The following XRCC4 variants were observed in gnomAD, a reference collection of about 807,000 sequenced individuals.
The protein encoded by XRCC4 is DNA repair protein XRCC4.
A neutral mutation model predicts 39.1 loss-of-function variants in XRCC4; 28 were observed. That is an observed-to-expected ratio of 0.72 (90% CI 0.53 to 0.98). The LOEUF is 0.98. Ranked by LOEUF, XRCC4 falls within the 50% of genes least tolerant of loss-of-function variation. The probability of loss-of-function intolerance (pLI) is 0.00; values close to 1 mark genes in which losing one functional copy is unlikely to be tolerated. For missense variants in XRCC4, 350 were observed against 376.4 expected (o/e 0.93, Z 0.58); for synonymous variants, 123 against 126.4 (o/e 0.97, Z 0.18).
At chr5:83,094,744 G>A (rs1745598076) in intron 1 of XRCC4, among the ~76,000 whole-genome samples, 1 of 151,710 alleles carries the variant, frequency 6.6e-6, no homozygotes. Flanking sequence ...GGAGTGCAGT[G>A]ACAAAATCAT....
intron 3 of XRCC4, among the ~76,000 whole-genome samples, chr5:83,150,489 A>G (rs977849806): frequency 1.3e-5 from 2 of 152,154 alleles, no homozygotes; most frequent in African/African-American, 4.8e-5. Context: ...TTCCCAGATA[A>G]CTTAACTAAC....
chr5:83,189,036 C>T (rs910026372), intron 3 of XRCC4, among the ~76,000 whole-genome samples: 1 of 152,184 alleles, frequency 6.6e-6, no homozygotes, highest in Non-Finnish European at 1.5e-5. Context: ...TGCCCTCTCC[C>T]TCTGACCAAT....
At position 83,230,103 on chromosome 5, in the gene XRCC4, A is replaced by T. The variant is rs796589629; in HGVS notation, c.745+25182A>T. 1.6e-4 allele frequency among the ~76,000 whole-genome samples: 24 copies of T among 151,926 alleles called. No individual in the cohort carries two copies. In the South Asian group the frequency reaches 3.9e-3, roughly 25 times the overall value. ...TCTCTTCCATAGTAACATTTGCAGC[A>T]TGTTTGATTTGGAAGTGCAGCATTC... is the stretch of plus-strand genomic sequence containing the variant. On this transcript the variant is annotated intron_variant, in intron 6 of 7. Transcript: ENST00000396027.
At chr5:83,284,052 CAAAAAAAAAAAAA>C (rs766161565) in intron 7 of XRCC4, among the ~76,000 whole-genome samples, 17 of 16,100 alleles carry the variant, frequency 1.1e-3, no homozygotes, top group Admixed American at 1.7e-3. Flanking sequence ...CAACCCAGAG[CAAAAAAAAAAAAA>C]AAAAAAAAAA....
intron 3 of XRCC4, among the ~76,000 whole-genome samples, chr5:83,139,608 T>G (rs1748071038): frequency 6.6e-6 from 1 of 152,214 alleles, no homozygotes; most frequent in Admixed American, 6.5e-5. Context: ...AGGTGATTTC[T>G]TTGATGATGT....
At chr5:83,145,720 C>T (rs563282088) in intron 3 of XRCC4, among the ~76,000 whole-genome samples, 1 of 152,318 alleles carries the variant, frequency 6.6e-6, no homozygotes, top group South Asian at 2.1e-4. Context: ...TTTAATAGAA[C>T]TGGTTTCTGC....
In XRCC4 at chr5:83,251,637, C is replaced by T. The variant is rs147598744; in HGVS notation, c.746-6893C>T. ...TTTATGCTGCAGATACTTCTGGGGT[C>T]TGTGGTTTATCCTTAATAGCCCACT... On this transcript the variant is annotated intron_variant, in intron 6 of 7. Coordinates refer to ENST00000396027, the MANE Select transcript of XRCC4 (RefSeq NM_003401.5). Among the ~76,000 whole-genome samples, 3 of 151,826 alleles carry T rather than the reference C, an allele frequency of 2.0e-5. No homozygotes were observed. In the East Asian group the frequency reaches 5.8e-4, roughly 29 times the overall value.
intron 7 of XRCC4, among the ~76,000 whole-genome samples, chr5:83,315,335 A>G (rs571827099): frequency 6.6e-6 from 1 of 152,274 alleles, no homozygotes; most frequent in Admixed American, 6.5e-5. Flanking sequence ...CATTTATAAC[A>G]AAAATGCAAG....
At chr5:83,281,116 G>A (rs1754521397) in intron 7 of XRCC4, among the ~76,000 whole-genome samples, 1 of 152,206 alleles carries the variant, frequency 6.6e-6, no homozygotes, top group Non-Finnish European at 1.5e-5. Context: ...AGAATATCAA[G>A]CAATATAAGG....
Position 83,091,945 on chromosome 5 carries a change from C to G in XRCC4, c.-10-12965C>G, listed in dbSNP as rs73769263. 1.6e-3 allele frequency among the ~76,000 whole-genome samples: 247 copies of G among 152,216 alleles called. 1 individual carries two copies. Among genetic ancestry groups the G allele is most frequent in the African/African-American group, 5.4e-3 (225 of 41,560 alleles). On this transcript the variant is annotated intron_variant, in intron 1 of 7. Coordinates refer to ENST00000396027, the MANE Select transcript of XRCC4 (RefSeq NM_003401.5). ...TTTTTGAGGATCCTCCATACTGTTT[C>G]CCGTAATGGTTATGCTAATTTATGT... is the stretch of plus-strand genomic sequence containing the variant.
At chr5:83,356,872 T>C (rs1408701280), downstream of XRCC4, 2 of 314,356 alleles carry the variant, frequency 6.4e-6, no homozygotes, top group South Asian at 5.6e-5. Context: ...AAATGTATAA[T>C]TTTTGGCCCT....
At chr5:83,251,040 G>T (rs915153952) in intron 6 of XRCC4, among the ~76,000 whole-genome samples, 3 of 152,154 alleles carry the variant, frequency 2.0e-5, no homozygotes, top group African/African-American at 7.2e-5. Context: ...ATGCATGCTT[G>T]TAGTGTCTTC....
At chr5:83,164,896 A>G (rs1749387989) in intron 3 of XRCC4, among the ~76,000 whole-genome samples, 1 of 152,056 alleles carries the variant, frequency 6.6e-6, no homozygotes, top group African/African-American at 2.4e-5. Context: ...CAATATAAGA[A>G]CTGTTAGAAA....
At chr5:83,222,200 T>G (rs1752111938) in intron 6 of XRCC4, among the ~76,000 whole-genome samples, 1 of 152,040 alleles carries the variant, frequency 6.6e-6, no homozygotes, top group Admixed American at 6.6e-5. Flanking sequence ...TTAGGTTAGA[T>G]CTACTAAGAT....
intron 7 of XRCC4, among the ~76,000 whole-genome samples, chr5:83,265,420 C>T (rs1753920714): frequency 6.6e-6 from 1 of 152,176 alleles, no homozygotes; most frequent in Admixed American, 6.6e-5. Context: ...TTATTAGCTT[C>T]ACTCTATGTT....
intron 3 of XRCC4, among the ~76,000 whole-genome samples, chr5:83,138,977 C>T (rs1231277164): frequency 6.6e-6 from 1 of 151,994 alleles, no homozygotes; most frequent in African/African-American, 2.4e-5. Context: ...ACCTTTACTC[C>T]TGTGTCCCCT....
chr5:83,155,865 T>C (rs1455454760), intron 3 of XRCC4, among the ~76,000 whole-genome samples: 1 of 152,088 alleles, frequency 6.6e-6, no homozygotes, highest in African/African-American at 2.4e-5. Flanking sequence ...TCTAAACCTA[T>C]CGTTATTTTA....
chr5:83,357,758 C>T (rs537673530), downstream of XRCC4, among the ~76,000 whole-genome samples: 2 of 152,126 alleles, frequency 1.3e-5, no homozygotes, highest in African/African-American at 4.8e-5. Flanking sequence ...TCATAGGGCC[C>T]TTCCTGGGTG....
At chr5:83,251,740 T>G (rs560464952) in intron 6 of XRCC4, among the ~76,000 whole-genome samples, 2 of 152,174 alleles carry the variant, frequency 1.3e-5, no homozygotes, top group African/African-American at 2.4e-5. Flanking sequence ...TATTTGTCAT[T>G]AAGTCTGACT....
Sources: allele counts gnomAD v4.1 joint callset (sites outside exome capture counted in the v4.1 genomes callset), GRCh38; gene constraint gnomAD v4.1.1; transcripts MANE v1.5; gene names NCBI Gene and HGNC (gene_info 2026-07-23, HGNC 2026-07-21).